Variants in SCML4 observed in about 807,000 individuals in gnomAD.
SCML4 encodes the protein sex comb on midleg-like protein 4.
Under a neutral mutation model 41.1 loss-of-function variants are expected in SCML4, and 34 were observed. The observed-to-expected ratio is 0.83, with a 90% CI of 0.63 to 1.10. The LOEUF is 1.10. Ranked by LOEUF, SCML4 falls within the 50% of genes least tolerant of loss-of-function variation. SCML4 has a pLI of 0.00. For synonymous variants in SCML4, 214 were observed against 220.9 expected (o/e 0.97, Z 0.28); for missense variants, 522 against 534.1 (o/e 0.98, Z 0.22).
chr6:107,833,399 T>C, the SCML4 span, among the ~76,000 whole-genome samples: 1 of 152,154 alleles, frequency 6.6e-6, no homozygotes, highest in South Asian at 2.1e-4. Flanking sequence ...TTGAACCCTG[T>C]GGAGGCTGCA....
chr6:107,803,156 G>A (rs540561735), intron 1 of SCML4, among the ~76,000 whole-genome samples: 1,644 of 151,204 alleles, frequency 0.011, 28 homozygotes, highest in African/African-American at 0.037. Context: ...GCCTTTGCCC[G>A]GCCGCCACCC....
At chr6:107,741,939 G>A (rs921364738) in intron 5 of SCML4, among the ~76,000 whole-genome samples, 1 of 152,150 alleles carries the variant, frequency 6.6e-6, no homozygotes, top group Non-Finnish European at 1.5e-5. Context: ...GCAAGGCAAG[G>A]GACCAGAAAC....
chr6:107,704,646 ATT>A lies in SCML4; in HGVS notation c.*552_*553del, dbSNP rs35793191. On this transcript the variant is annotated 3_prime_UTR_variant, in exon 8 of 8. Coordinates refer to ENST00000369020, the MANE Select transcript of SCML4 (RefSeq NM_198081.5). ...TTCAGATTTTCTAGGAACAGAAAAG[ATT>A]TTTTTTTTTTTCCTTTTTCTTTCAC... 2.0e-5 allele frequency: 3 copies of A among 149,602 alleles called. No homozygotes were observed. Among genetic ancestry groups the A allele is most frequent in the African/African-American group, 5.0e-5 (2 of 40,210 alleles). 9.3% of individuals were successfully genotyped at this position (149,602 alleles called of 1,614,324 possible). A position where few individuals can be genotyped will look rare whatever the true frequency, so the allele number is the denominator to read the frequency against.
intron 5 of SCML4, among the ~76,000 whole-genome samples, chr6:107,743,243 A>G (rs559740356): frequency 6.6e-6 from 1 of 152,352 alleles, no homozygotes; most frequent in South Asian, 2.1e-4. Flanking sequence ...ACCTGGACAT[A>G]TCAATTATTG....
At position 107,748,952 on chromosome 6, in the gene SCML4, G is replaced by A. The variant is rs558388037; in HGVS notation, c.286+732C>T. Among the ~76,000 whole-genome samples, 3 of 152,328 alleles carry A rather than the reference G, an allele frequency of 2.0e-5. No individual in the cohort carries two copies. The South Asian group carries it at 6.2e-4, about 32-fold the overall frequency. On this transcript the variant is annotated intron_variant, in intron 3 of 7. Coordinates refer to ENST00000369020, the MANE Select transcript of SCML4 (RefSeq NM_198081.5). ...ATGCTAAGACCCCATGACCAGTCCT[G>A]GGGACTGAGAGAAGAGCAGTGGGGT...
chr6:107,798,343 T>C (rs1782862700), intron 1 of SCML4, among the ~76,000 whole-genome samples: 1 of 151,990 alleles, frequency 6.6e-6, no homozygotes, highest in Admixed American at 6.6e-5. Flanking sequence ...TTATGTCAGA[T>C]TTGGTCAGTT....
intron 1 of SCML4, among the ~76,000 whole-genome samples, chr6:107,805,193 G>A (rs1783633525): frequency 1.3e-5 from 2 of 152,280 alleles, no homozygotes; most frequent in South Asian, 4.1e-4. Flanking sequence ...TGGCTGTCAA[G>A]GGTGGTGCCA....
intron 2 of SCML4, among the ~76,000 whole-genome samples, chr6:107,764,978 C>T (rs541590992): frequency 1.1e-3 from 169 of 152,314 alleles, no homozygotes; most frequent in African/African-American, 4.0e-3. Context: ...ACTGTGAGTC[C>T]ATTAAACCTC....
At chr6:107,803,342 G>A (rs1174779448) in intron 1 of SCML4, among the ~76,000 whole-genome samples, 2 of 151,632 alleles carry the variant, frequency 1.3e-5, no homozygotes, top group East Asian at 1.9e-4. Context: ...AGTGAGGAGC[G>A]TCTCCGCCCG....
intron 1 of SCML4, among the ~76,000 whole-genome samples, chr6:107,782,312 G>A (rs1317658151): frequency 6.6e-6 from 1 of 152,198 alleles, no homozygotes; most frequent in African/African-American, 2.4e-5. Context: ...GAGGAGGAAA[G>A]ACTGCTTCTA....
At chr6:107,839,804 C>A in the SCML4 span, among the ~76,000 whole-genome samples, 2 of 152,142 alleles carry the variant, frequency 1.3e-5, no homozygotes, top group Non-Finnish European at 2.9e-5. Flanking sequence ...GCTGCCCAGG[C>A]TTGTCTCAAA....
chr6:107,707,485 T>A (rs950299029), intron 7 of SCML4, among the ~76,000 whole-genome samples: 1 of 152,152 alleles, frequency 6.6e-6, no homozygotes, highest in Non-Finnish European at 1.5e-5. Flanking sequence ...TTTGTGCATT[T>A]TCTTATTTAA....
chr6:107,716,389 CTCTTTT>C (rs1583389322), intron 6 of SCML4, among the ~76,000 whole-genome samples: 2 of 152,202 alleles, frequency 1.3e-5, no homozygotes, highest in Admixed American at 6.5e-5. Context: ...TCTCTTGAAC[CTCTTTT>C]TCTTTATCTT....
the SCML4 span, among the ~76,000 whole-genome samples, chr6:107,832,372 G>T: frequency 6.6e-6 from 1 of 152,220 alleles, no homozygotes; most frequent in Non-Finnish European, 1.5e-5. Flanking sequence ...CTTCCCTCAT[G>T]GTCACAGTTC....
At chr6:107,778,479 G>A (rs1781215913) in intron 1 of SCML4, among the ~76,000 whole-genome samples, 1 of 151,752 alleles carries the variant, frequency 6.6e-6, no homozygotes, top group African/African-American at 2.4e-5. Context: ...CCTTTAAACA[G>A]TTGTCAAATC....
At chr6:107,713,143 G>T (rs1774389071) in intron 6 of SCML4, among the ~76,000 whole-genome samples, 2 of 152,232 alleles carry the variant, frequency 1.3e-5, no homozygotes, top group Admixed American at 6.5e-5. Context: ...ACAGGTACTT[G>T]CACACTCTCT....
chr6:107,787,396 TCACTCAGC>T (rs140914716), intron 1 of SCML4, among the ~76,000 whole-genome samples: 1,694 of 152,298 alleles, frequency 0.011, 38 homozygotes, highest in African/African-American at 0.038. Context: ...GCTGCGACTG[TCACTCAGC>T]CTCGGCACTC....
intron 1 of SCML4, among the ~76,000 whole-genome samples, chr6:107,797,458 T>C (rs1456266391): frequency 6.6e-6 from 1 of 152,082 alleles, no homozygotes; most frequent in Non-Finnish European, 1.5e-5. Context: ...ATACAATTGA[T>C]TTTTGTACAA....
In SCML4 at chr6:107,750,648, G is replaced by A. The variant is rs76744560; in HGVS notation, c.157-835C>T. On this transcript the variant is annotated intron_variant, in intron 2 of 7. Coordinates refer to ENST00000369020, the MANE Select transcript of SCML4 (RefSeq NM_198081.5). Reference sequence around the variant, plus strand: ...CTCTGGAAGTGAGACTCACACATCCGGAGTTTTTAAAGATACTGAGATTCT... The same window carrying A: ...CTCTGGAAGTGAGACTCACACATCCAGAGTTTTTAAAGATACTGAGATTCT... Among the ~76,000 whole-genome samples, 791 of 152,260 alleles carry A rather than the reference G, an allele frequency of 5.2e-3. 11 individuals are homozygous for A. In the East Asian group the frequency reaches 0.064, roughly 12 times the overall value.
Sources: allele counts gnomAD v4.1 joint callset (sites outside exome capture counted in the v4.1 genomes callset), GRCh38; gene constraint gnomAD v4.1.1; transcripts MANE v1.5; gene names NCBI Gene and HGNC (gene_info 2026-07-23, HGNC 2026-07-21).